Variants in CACNA1D observed in about 807,000 individuals in gnomAD.
The protein encoded by CACNA1D is voltage-dependent L-type calcium channel subunit alpha-1D.
Under a neutral mutation model 257.1 loss-of-function variants are expected in CACNA1D, and 55 were observed. That is an observed-to-expected ratio of 0.21 (90% CI 0.17 to 0.27). CACNA1D has a LOEUF of 0.27. CACNA1D is among the 10% of genes least tolerant of loss of function. CACNA1D has a pLI of 1.00. For synonymous variants in CACNA1D, 980 were observed against 1,014.9 expected (o/e 0.97, Z 0.65); for missense variants, 1,876 against 2,784.0 (o/e 0.67, Z 7.34).
At chr3:53,700,286 T>A (rs2094610969) in intron 8 of CACNA1D, among the ~76,000 whole-genome samples, 1 of 152,030 alleles carries the variant, frequency 6.6e-6, no homozygotes, top group African/African-American at 2.4e-5. Flanking sequence ...TTTAGTATTC[T>A]AAGTTCGGAA....
chr3:53,682,436 A>G (rs2094441736), intron 8 of CACNA1D, among the ~76,000 whole-genome samples: 1 of 146,932 alleles, frequency 6.8e-6, no homozygotes, highest in African/African-American at 2.5e-5. Flanking sequence ...GTGTGCCTAT[A>G]GTCCCAGCTA....
chr3:53,801,017 A>T, intron 41 of CACNA1D, 41 bp from the exon 42 acceptor site: 2 of 1,609,030 alleles, frequency 1.2e-6, no homozygotes, highest in Non-Finnish European at 1.7e-6. Flanking sequence ...TGCATCAAAT[A>T]CTTGTTAAAT....
chr3:53,730,383 T>C, intron 15 of CACNA1D, 59 bp from the exon 16 acceptor site: 1 of 1,148,768 alleles, frequency 8.7e-7, no homozygotes, highest in East Asian at 2.4e-5. Flanking sequence ...GCGTTGCCAT[T>C]GTTGGCCGCA....
chr3:53,564,625 G>A (rs1435252634), intron 3 of CACNA1D, among the ~76,000 whole-genome samples: 2 of 152,072 alleles, frequency 1.3e-5, no homozygotes, highest in African/African-American at 4.8e-5. Flanking sequence ...TTTCCATTAG[G>A]AGTTTTTTTC....
chr3:53,795,631 TTG>T (rs1250169947), intron 40 of CACNA1D, among the ~76,000 whole-genome samples: 2 of 152,174 alleles, frequency 1.3e-5, no homozygotes, highest in Non-Finnish European at 2.9e-5. Flanking sequence ...AGAACAGAAG[TTG>T]TGTTTTACAG....
chr3:53,672,967 TC>T, intron 7 of CACNA1D, 55 bp from the exon 8 acceptor site: 1 of 1,100,964 alleles, frequency 9.1e-7, no homozygotes, highest in Admixed American at 2.0e-5. Flanking sequence ...TGACCCTCTC[TC>T]CTTATTAAAT....
intron 5 of CACNA1D, among the ~76,000 whole-genome samples, chr3:53,661,874 T>C (rs1328419941): frequency 1.3e-5 from 2 of 152,240 alleles, no homozygotes; most frequent in African/African-American, 4.8e-5. Context: ...TAGGGAGATT[T>C]GTATGTAACT....
chr3:53,601,760 G>GCACGATCTCAGCTTGTCTTGGCT (rs1347128309), intron 3 of CACNA1D, among the ~76,000 whole-genome samples: 2 of 152,122 alleles, frequency 1.3e-5, no homozygotes, highest in East Asian at 3.9e-4. Context: ...GAGTGCAGAG[G>GCACGATCTCAGCTTGTCTTGGCT]CACGATCTCA....
intron 2 of CACNA1D, among the ~76,000 whole-genome samples, chr3:53,501,325 T>C (rs1248492747): frequency 6.6e-6 from 1 of 152,216 alleles, no homozygotes; most frequent in Non-Finnish European, 1.5e-5. Context: ...CCTAATTGGA[T>C]GTACTTTTAG....
intron 10 of CACNA1D, 77 bp from the exon 11 acceptor site, chr3:53,719,678 A>C: frequency 7.7e-7 from 1 of 1,299,306 alleles, no homozygotes. Flanking sequence ...CTTTTATGAT[A>C]TCTCAGCTGA....
At chr3:53,797,057 G>A (rs1416629196) in intron 40 of CACNA1D, among the ~76,000 whole-genome samples, 1 of 152,134 alleles carries the variant, frequency 6.6e-6, no homozygotes, top group African/African-American at 2.4e-5. Context: ...TGTTTGTAAA[G>A]TGTTTATCCC....
At chr3:53,781,723 A>G (rs2095426331) in intron 39 of CACNA1D, 56 bp downstream of exon 39, 14 of 1,158,372 alleles carry the variant, frequency 1.2e-5, no homozygotes, top group Non-Finnish European at 1.8e-5. Context: ...TTTTAATGCT[A>G]GTGTCTCCAG....
chr3:53,702,535 G>C (rs900441004), intron 8 of CACNA1D, 106 bp from the exon 9 acceptor site: 1 of 1,034,498 alleles, frequency 9.7e-7, no homozygotes, highest in East Asian at 2.4e-5. Flanking sequence ...ACTATACTCA[G>C]TGCTGTGTGT....
At chr3:53,513,001 G>A (rs1286904634) in intron 3 of CACNA1D, among the ~76,000 whole-genome samples, 2 of 152,196 alleles carry the variant, frequency 1.3e-5, no homozygotes, top group Non-Finnish European at 2.9e-5. Context: ...CCAGGGCACA[G>A]GCCAGCGGAT....
At chr3:53,692,341 C>A (rs557411112) in intron 8 of CACNA1D, among the ~76,000 whole-genome samples, 5 of 152,190 alleles carry the variant, frequency 3.3e-5, no homozygotes, top group Non-Finnish European at 5.9e-5. Flanking sequence ...CTTGAGCCAG[C>A]CGAGTGGGAT....
intron 8 of CACNA1D, among the ~76,000 whole-genome samples, chr3:53,674,478 C>A (rs934950942): frequency 2.0e-5 from 3 of 152,212 alleles, no homozygotes; most frequent in Non-Finnish European, 2.9e-5. Flanking sequence ...TACAGAGACC[C>A]CGTCATTCAG....
chr3:53,623,138 T>G (rs756433496), intron 3 of CACNA1D, among the ~76,000 whole-genome samples: 2 of 152,224 alleles, frequency 1.3e-5, no homozygotes, highest in Non-Finnish European at 2.9e-5. Flanking sequence ...TCAGCCGGTC[T>G]TGGCCTTCCG....
chr3:53,562,022 A>T (rs192174824), intron 3 of CACNA1D, among the ~76,000 whole-genome samples: 3 of 152,336 alleles, frequency 2.0e-5, no homozygotes, highest in Non-Finnish European at 4.4e-5. Flanking sequence ...TTCGTGCCAG[A>T]TAGTTTTGTA....
intron 8 of CACNA1D, among the ~76,000 whole-genome samples, chr3:53,701,680 C>T (rs766654189): frequency 6.6e-6 from 1 of 152,254 alleles, no homozygotes; most frequent in Non-Finnish European, 1.5e-5. Context: ...CATATCTTGG[C>T]TCCTATAACA....
Sources: allele counts gnomAD v4.1 joint callset (sites outside exome capture counted in the v4.1 genomes callset), GRCh38; gene constraint gnomAD v4.1.1; transcripts MANE v1.5; gene names NCBI Gene and HGNC (gene_info 2026-07-23, HGNC 2026-07-21).